NEB: variants seen among roughly 807,000 people sequenced by gnomAD.
NEB encodes nemaline myopathy type 2.
NEB carries 512 observed loss-of-function variants against 952.2 expected under a neutral mutation model. The observed-to-expected ratio is 0.54, with a 90% CI of 0.50 to 0.58. NEB has a LOEUF of 0.58. Ranked by LOEUF, NEB falls within the 20% of genes least tolerant of loss-of-function variation. The pLI is 0.00. For missense variants in NEB, 8,428 were observed against 9,231.1 expected (o/e 0.91, Z 3.56); for synonymous variants, 2,900 against 3,149.8 (o/e 0.92, Z 2.66).
intron 138 of NEB, 45 bp downstream of exon 138, chr2:151,540,299 C>T: frequency 8.4e-7 from 1 of 1,192,190 alleles, no homozygotes; most frequent in Non-Finnish European, 1.2e-6. Flanking sequence ...ACTTCAACCT[C>T]AGCTCTCCCC....
chr2:151,595,347 G>A (rs1426652414), intron 92 of NEB, among the ~76,000 whole-genome samples: 1 of 152,026 alleles, frequency 6.6e-6, no homozygotes, highest in African/African-American at 2.4e-5. Context: ...CGCCTCCCAG[G>A]TTCAAGTGAT....
intron 150 of NEB, 56 bp downstream of exon 150, chr2:151,525,902 G>T: frequency 7.4e-7 from 1 of 1,351,844 alleles, no homozygotes; most frequent in Non-Finnish European, 1.1e-6. Flanking sequence ...TATTTCACCA[G>T]ATTCTACAGT....
At position 151,662,223 on chromosome 2, in the gene NEB, C is replaced by A; in HGVS notation, c.5882G>T (p.Arg1961Leu). 1 of 1,613,586 alleles carries A rather than the reference C, an allele frequency of 6.2e-7. No individual in the cohort carries two copies. Among genetic ancestry groups the A allele is most frequent in the Non-Finnish European group, 8.5e-7 (1 of 1,179,648 alleles). Residue 1961 changes from arginine to leucine, a missense_variant, in exon 46 of 182, where the codon CGC (arginine) becomes CTC (leucine). Arg to Leu is a moderately radical substitution (Grantham distance 102). Transcript: ENST00000397345. ...AMEIISEKKY[R>L]QHPDTLKYST... ...ATACTTCAAAGTGTCTGGGTGCTGG[C>A]GGTACTTCTTTTCACTAATAATCTC...
chr2:151,639,555 A>G (rs2098821692), intron 62 of NEB, among the ~76,000 whole-genome samples, 171 bp from the exon 63 acceptor site: 1 of 152,244 alleles, frequency 6.6e-6, no homozygotes, highest in Non-Finnish European at 1.5e-5. Context: ...ATGTGTATTT[A>G]TAAATGCCTT....
chr2:151,702,231 T>C lies in NEB; in HGVS notation c.1153-4583A>G, dbSNP rs1231147489. Among the ~76,000 whole-genome samples the C allele has an allele frequency of 2.6e-5, 4 of 151,800 alleles. No homozygotes were observed. In the East Asian group the frequency reaches 7.7e-4, roughly 29 times the overall value. On this transcript the variant is annotated intron_variant, in intron 13 of 181. Transcript: ENST00000397345. Reference sequence around the variant, plus strand: ...TTTGATTGCACTGTGGTCTGAAAGATAGTTTGTTATAATGTCTGTTCTTTT... The same window carrying C: ...TTTGATTGCACTGTGGTCTGAAAGACAGTTTGTTATAATGTCTGTTCTTTT...
At chr2:151,711,320 A>G (rs1040626179) in intron 10 of NEB, among the ~76,000 whole-genome samples, 3 of 152,230 alleles carry the variant, frequency 2.0e-5, no homozygotes, top group African/African-American at 7.2e-5. Context: ...CTAGAGCCCA[A>G]GCTGAGTTAG....
intron 154 of NEB, among the ~76,000 whole-genome samples, chr2:151,519,307 AGTTCT>A (rs1364073985): frequency 6.6e-6 from 1 of 152,242 alleles, no homozygotes; most frequent in Non-Finnish European, 1.5e-5. Flanking sequence ...AAAGGAATGA[AGTTCT>A]GATATATCCT....
chr2:151,490,389 AC>A lies in NEB; in HGVS notation c.25279del (p.Val8427SerfsTer68). The A allele has an allele frequency of 6.3e-7, 1 of 1,591,476 alleles. No individual in the cohort carries two copies. The highest frequency in any genetic ancestry group is 8.6e-7 in the Non-Finnish European group (1 of 1,168,014). ...ACTTGTACCTGTTGAGACTGCAAAG[AC>A]ACCCCCGTCGCTGTAAGTCGAAAGG... ...HHLSTYSDGG[V>X]FAVSTAYKHA... On this transcript the variant is annotated frameshift_variant, in exon 180 of 182. Coordinates refer to ENST00000397345, the MANE Select transcript of NEB (RefSeq NM_001164508.2). LOFTEE classifies it high-confidence loss of function.
At chr2:151,659,598 GC>G (rs2099124365) in intron 46 of NEB, among the ~76,000 whole-genome samples, 1 of 152,018 alleles carries the variant, frequency 6.6e-6, no homozygotes. Flanking sequence ...ACTGCACCTG[GC>G]CCAAAAAAAT....
chr2:151,662,103 C>T (rs776694633), intron 46 of NEB, 32 bp downstream of exon 46: 3 of 1,549,918 alleles, frequency 1.9e-6, no homozygotes, highest in Non-Finnish European at 1.8e-6. Flanking sequence ...CTCTCTGATG[C>T]ATATGAAACA....
intron 144 of NEB, among the ~76,000 whole-genome samples, chr2:151,531,428 C>T (rs892560441): frequency 4.0e-5 from 6 of 150,774 alleles, no homozygotes; most frequent in Non-Finnish European, 5.9e-5. Context: ...GCAATTGTCA[C>T]GCCTCAGCCT....
intron 54 of NEB, among the ~76,000 whole-genome samples, chr2:151,647,544 G>A (rs1296424414): frequency 2.0e-5 from 3 of 152,188 alleles, no homozygotes; most frequent in Admixed American, 1.3e-4. Flanking sequence ...CTTTAACCAA[G>A]TGTTTAAGTT....
chr2:151,648,499 G>A (rs1005714052), intron 54 of NEB, among the ~76,000 whole-genome samples: 3 of 152,140 alleles, frequency 2.0e-5, no homozygotes, highest in African/African-American at 7.2e-5. Context: ...ATTGCATTGT[G>A]GTGAAGTCAG....
intron 76 of NEB, 56 bp from the exon 77 acceptor site, chr2:151,614,643 C>T: frequency 4.0e-6 from 6 of 1,506,024 alleles, no homozygotes; most frequent in Non-Finnish European, 5.5e-6. Context: ...AATCATGTTT[C>T]ATAGGTTCAC....
intron 69 of NEB, 77 bp downstream of exon 69, chr2:151,627,446 C>A (rs1263027280): frequency 1.3e-6 from 2 of 1,559,156 alleles, no homozygotes; most frequent in East Asian, 4.5e-5. Flanking sequence ...AAGGTTCTAC[C>A]TAATGCTAGA....
At position 151,614,427 on chromosome 2, in the gene NEB, C is replaced by T. The variant is rs776337697; in HGVS notation, c.11450G>A (p.Ser3817Asn). 5.6e-6 allele frequency: 9 copies of T among 1,613,908 alleles called. No individual in the cohort carries two copies. The highest frequency in any genetic ancestry group is 7.6e-6 in the Non-Finnish European group (9 of 1,179,848). The change falls in exon 77 of 182, where the codon AGC becomes AAC. Residue 3817 changes from serine (S) to asparagine (N), a missense_variant. Coordinates refer to ENST00000397345, the MANE Select transcript of NEB (RefSeq NM_001164508.2). Reference sequence around the variant, plus strand: ...CACCACCCCCAGCATGTCCACTGGGCTGCTGAACTTGGTCTTCCACTTCTC... The same window carrying T: ...CACCACCCCCAGCATGTCCACTGGGTTGCTGAACTTGGTCTTCCACTTCTC... ...EFEKWKTKFS[S>N]PVDMLGVVLA...
chr2:151,698,866 T>C (rs565730899), intron 13 of NEB, among the ~76,000 whole-genome samples: 1 of 144,938 alleles, frequency 6.9e-6, no homozygotes, highest in Admixed American at 6.9e-5. Flanking sequence ...TCTCCATCTC[T>C]TTTTTTTTTT....
chr2:151,574,799 A>T (rs997715269), intron 107 of NEB, among the ~76,000 whole-genome samples: 1 of 151,780 alleles, frequency 6.6e-6, no homozygotes, highest in African/African-American at 2.4e-5. Flanking sequence ...TGGCATGATT[A>T]TGGCTCACTG....
At chr2:151,718,585 G>A (rs1040456736) in intron 9 of NEB, among the ~76,000 whole-genome samples, 2 of 152,022 alleles carry the variant, frequency 1.3e-5, no homozygotes, top group African/African-American at 4.8e-5. Context: ...TCATCCCTGC[G>A]TCTCCCACCC....
Sources: allele counts gnomAD v4.1 joint callset (sites outside exome capture counted in the v4.1 genomes callset), GRCh38; gene constraint gnomAD v4.1.1; transcripts MANE v1.5; gene names NCBI Gene and HGNC (gene_info 2026-07-23, HGNC 2026-07-21).